DIPK1A: variants seen among roughly 807,000 people sequenced by gnomAD.
DIPK1A encodes divergent protein kinase domain 1A.
DIPK1A carries 27 observed loss-of-function variants against 40.8 expected under a neutral mutation model. The ratio of observed to expected loss-of-function variants is 0.66; its 90% confidence interval spans 0.49 to 0.91. The LOEUF (loss-of-function observed/expected upper bound fraction) is 0.91. Ranked by LOEUF, DIPK1A falls within the 40% of genes least tolerant of loss-of-function variation. The probability of loss-of-function intolerance (pLI) is 0.00; values close to 1 mark genes in which losing one functional copy is unlikely to be tolerated. For missense variants in DIPK1A, 412 were observed against 505.7 expected (o/e 0.81, Z 1.78); for synonymous variants, 166 against 171.3 (o/e 0.97, Z 0.24).
chr1:92,938,457 G>A (rs557714687), intron 1 of DIPK1A, among the ~76,000 whole-genome samples: 13 of 136,896 alleles, frequency 9.5e-5, no homozygotes, highest in Admixed American at 6.9e-4. Flanking sequence ...GCAACAGAGC[G>A]AGACCTTTAC....
intron 1 of DIPK1A, among the ~76,000 whole-genome samples, chr1:92,880,824 C>T (rs553570427): frequency 4.6e-5 from 7 of 151,410 alleles, no homozygotes; most frequent in South Asian, 2.1e-4. Context: ...GAGCTGAGAT[C>T]GCATCACTGC....
In DIPK1A at chr1:92,842,462, A is replaced by G. The variant is rs1687408826; in HGVS notation, c.*921T>C. On this transcript the variant is annotated 3_prime_UTR_variant, in exon 5 of 5. Transcript: ENST00000370310. ...GAGGAGCAAATACTAAACCTTGTAT[A>G]TCAAGTTTACATGGGGAAAAAAACA... 1.0e-6 allele frequency: 1 copy of G among 976,218 alleles called. No individual in the cohort carries two copies. The highest frequency in any genetic ancestry group is 1.8e-5 in the African/African-American group (1 of 56,170). The allele number at this position is 976,218 out of a possible 1,614,324, so 60.5% of individuals were successfully genotyped here.
At chr1:92,884,651 A>G (rs1648518497) in intron 1 of DIPK1A, among the ~76,000 whole-genome samples, 1 of 152,194 alleles carries the variant, frequency 6.6e-6, no homozygotes, top group Admixed American at 6.5e-5. Context: ...ACTAAAACAT[A>G]CAATAGCCAT....
intron 1 of DIPK1A, among the ~76,000 whole-genome samples, chr1:92,914,856 TG>T (rs1387894918): frequency 6.8e-6 from 1 of 146,654 alleles, no homozygotes; most frequent in Admixed American, 6.8e-5. Flanking sequence ...GAGGCTGAGG[TG>T]GGGGGATTGC....
At chr1:92,943,037 CAG>C (rs1223586815) in intron 1 of DIPK1A, among the ~76,000 whole-genome samples, 1 of 152,218 alleles carries the variant, frequency 6.6e-6, no homozygotes, top group Non-Finnish European at 1.5e-5. Flanking sequence ...TATTAGAAAA[CAG>C]ATGCTGCAGT....
chr1:92,873,540 G>C (rs750455130), intron 2 of DIPK1A, among the ~76,000 whole-genome samples: 1 of 151,460 alleles, frequency 6.6e-6, no homozygotes, highest in Non-Finnish European at 1.5e-5. Context: ...ATTTGAACCC[G>C]GGAGGCAGAG....
intron 1 of DIPK1A, among the ~76,000 whole-genome samples, chr1:92,942,749 TC>T (rs1651204647): frequency 1.3e-5 from 2 of 152,188 alleles, no homozygotes; most frequent in Non-Finnish European, 2.9e-5. Flanking sequence ...AACCTCTGCC[TC>T]CTTCCTGAGT....
chr1:92,942,369 A>G (rs2100893594), intron 1 of DIPK1A, among the ~76,000 whole-genome samples: 1 of 152,348 alleles, frequency 6.6e-6, no homozygotes, highest in Admixed American at 6.5e-5. Context: ...TTACATTAAT[A>G]TAAAGATCTT....
At chr1:92,890,099 T>C (rs544117359) in intron 1 of DIPK1A, among the ~76,000 whole-genome samples, 28 of 152,324 alleles carry the variant, frequency 1.8e-4, no homozygotes, top group African/African-American at 6.5e-4. Context: ...ATTTCTTTCT[T>C]AATTTCTTTT....
chr1:92,845,541 G>GGA (rs1553123580), intron 4 of DIPK1A: 28 of 227,242 alleles, frequency 1.2e-4, no homozygotes, highest in African/African-American at 7.3e-4. Flanking sequence ...CGTCTCTGCT[G>GGA]AAAAAAAAAA....
rs1687396159 is a variant in DIPK1A, at chr1:92,842,250, G to A, written c.*1133C>T. On this transcript the variant is annotated 3_prime_UTR_variant, in exon 5 of 5. Transcript: ENST00000370310. ...AACAAAACTGGTGCTAATCCATGGC[G>A]TTGAAGGAAAGTTTTGAGAGAAAGC... 6 of 989,048 alleles carry A rather than the reference G, an allele frequency of 6.1e-6. No homozygotes were observed. The highest frequency in any genetic ancestry group is 4.8e-6 in the Non-Finnish European group (4 of 832,376). 61.3% of individuals were successfully genotyped at this position (989,048 alleles called of 1,614,324 possible).
chr1:92,833,995 C>T (rs1687019508), intron 4 of DIPK1A: 1 of 333,542 alleles, frequency 3.0e-6, no homozygotes, highest in Non-Finnish European at 5.7e-6. Context: ...GTAGTCCCAG[C>T]TACTCAGTGG....
At chr1:92,850,793 C>A in intron 3 of DIPK1A, 55 bp downstream of exon 3, 1 of 1,089,458 alleles carries the variant, frequency 9.2e-7, no homozygotes, top group Non-Finnish European at 1.3e-6. Context: ...CCTTTAATTT[C>A]TGGTAAAATT....
At chr1:92,954,188 C>T (rs570968110) in intron 1 of DIPK1A, among the ~76,000 whole-genome samples, 4 of 151,858 alleles carry the variant, frequency 2.6e-5, no homozygotes, top group Admixed American at 2.6e-4. Flanking sequence ...TATGGCCAGA[C>T]ATAGTAGCTC....
intron 1 of DIPK1A, among the ~76,000 whole-genome samples, chr1:92,907,577 C>A (rs1649673296): frequency 6.6e-6 from 1 of 151,936 alleles, no homozygotes; most frequent in South Asian, 2.1e-4. Context: ...GTAGCTAAGA[C>A]TACAGGTGTA....
chr1:92,897,400 C>T (rs1361227137), intron 1 of DIPK1A, among the ~76,000 whole-genome samples: 2 of 151,146 alleles, frequency 1.3e-5, no homozygotes, highest in Non-Finnish European at 2.9e-5. Flanking sequence ...CAAACTATCG[C>T]AAGGACAAAA....
At chr1:92,923,804 C>G (rs1183092935) in intron 1 of DIPK1A, among the ~76,000 whole-genome samples, 5 of 152,194 alleles carry the variant, frequency 3.3e-5, no homozygotes, top group African/African-American at 1.2e-4. Flanking sequence ...TCTTAACAGG[C>G]TTCCATCTGG....
At position 92,846,890 on chromosome 1, in the gene DIPK1A, C is replaced by CATATATAT. The variant is rs1471876928; in HGVS notation, c.474+292_474+293insATATATAT. ...ATATATATATATATATATACACACACACGTATATATATATATACGTGTATA... is the reference window on the plus strand; with the variant it reads ...ATATATATATATATATATACACACACATATATATACGTATATATATATATACGTGTATA... On this transcript the variant is annotated intron_variant, in intron 4 of 4. Transcript: ENST00000370310. 2.3e-3 allele frequency among the ~76,000 whole-genome samples: 14 copies of CATATATAT among 6,208 alleles called. 6 individuals carry two copies. The highest frequency in any genetic ancestry group is 9.9e-3 in the African/African-American group (10 of 1,014). 4.1% of individuals were successfully genotyped at this position (6,208 alleles called of 152,430 possible). A position where few individuals can be genotyped will look rare whatever the true frequency, so the allele number is the denominator to read the frequency against.
chr1:92,837,806 C>T (rs2100689185), downstream of DIPK1A: 1 of 627,806 alleles, frequency 1.6e-6, no homozygotes, highest in East Asian at 2.8e-5. Context: ...AGACTTCAAG[C>T]ATCTGAAGAT....
Sources: allele counts gnomAD v4.1 joint callset (sites outside exome capture counted in the v4.1 genomes callset), GRCh38; gene constraint gnomAD v4.1.1; transcripts MANE v1.5; gene names NCBI Gene and HGNC (gene_info 2026-07-23, HGNC 2026-07-21).